The following CRADD variants were observed in gnomAD, a reference collection of about 807,000 sequenced individuals.
CRADD encodes the protein death domain-containing protein CRADD.
Under a neutral mutation model 15.5 loss-of-function variants are expected in CRADD, and 9 were observed. That is an observed-to-expected ratio of 0.58 (90% CI 0.35 to 1.01). The LOEUF is 1.01. CRADD is among the 50% of genes least tolerant of loss of function. CRADD has a pLI of 0.02. For synonymous variants in CRADD, 118 were observed against 107.6 expected (o/e 1.10, Z -0.60); for missense variants, 227 against 250.3 (o/e 0.91, Z 0.63).
chr12:93,751,791 G>A (rs1288283979), intron 2 of CRADD, among the ~76,000 whole-genome samples: 4 of 152,198 alleles, frequency 2.6e-5, no homozygotes, highest in Admixed American at 6.5e-5. Context: ...TTGAACCCAG[G>A]AGAAGGCGCT....
intron 2 of CRADD, among the ~76,000 whole-genome samples, chr12:93,867,405 T>TATATATATATATATATATATATATA (rs1207739624): frequency 0.018 from 1,795 of 101,486 alleles, 210 homozygotes; most frequent in Middle Eastern, 0.034. Flanking sequence ...ATATATATAT[T>TATATATATATATATATATATATATA]TTTTAAACTT....
In CRADD at chr12:93,678,971, C is replaced by G. The variant is rs1955224412; in HGVS notation, c.197C>G (p.Pro66Arg). ...LLLDILPSRG[P>R]KAFDTFLDSL... ...CTGGATATCCTACCTTCCAGGGGCC[C>G]TAAAGCATTTGATACATTCCTAGAT... Residue 66 changes from proline to arginine, a missense_variant, in exon 2 of 3, where the codon CCT becomes CGT. Coordinates refer to ENST00000332896, the MANE Select transcript of CRADD (RefSeq NM_003805.5). The G allele has an allele frequency of 1.2e-6, 2 of 1,613,932 alleles. No individual in the cohort carries two copies. Among genetic ancestry groups the G allele is most frequent in the Non-Finnish European group, 1.7e-6 (2 of 1,179,952 alleles).
intron 1 of CRADD, 116 bp from the exon 2 acceptor site, chr12:93,678,653 A>C: frequency 9.7e-7 from 1 of 1,031,514 alleles, no homozygotes; most frequent in South Asian, 1.7e-5. Context: ...ATGACCTGGC[A>C]GTCTGCTATG....
intron 2 of CRADD, among the ~76,000 whole-genome samples, chr12:93,866,265 G>T (rs1358753477): frequency 6.6e-6 from 1 of 151,898 alleles, no homozygotes; most frequent in Non-Finnish European, 1.5e-5. Flanking sequence ...CATAGTGTTT[G>T]GATATTGGAC....
intron 2 of CRADD, among the ~76,000 whole-genome samples, chr12:93,884,688 A>G (rs1036621839): frequency 6.6e-6 from 1 of 152,092 alleles, no homozygotes; most frequent in Non-Finnish European, 1.5e-5. Context: ...CTTTTTGCCC[A>G]ATAAATTCCT....
At chr12:93,739,452 C>G (rs1956636489) in intron 2 of CRADD, among the ~76,000 whole-genome samples, 1 of 151,262 alleles carries the variant, frequency 6.6e-6, no homozygotes, top group South Asian at 2.1e-4. Flanking sequence ...GCCTAAACTC[C>G]TGAGATTTAG....
At position 93,802,190 on chromosome 12, in the gene CRADD, C is replaced by A. The variant is rs1048778149; in HGVS notation, c.299-47780C>A. On this transcript the variant is annotated intron_variant, in intron 2 of 2. Coordinates refer to ENST00000332896, the MANE Select transcript of CRADD (RefSeq NM_003805.5). Reference sequence around the variant, plus strand: ...GTGTCTTTTTCATATGACTTCTTTTCCTCTGGGTAGGAACCCAGTAGTGGG... The same window carrying A: ...GTGTCTTTTTCATATGACTTCTTTTACTCTGGGTAGGAACCCAGTAGTGGG... Among the ~76,000 whole-genome samples the A allele has an allele frequency of 7.9e-5, 12 of 152,138 alleles. 1 individual carries two copies. Among genetic ancestry groups the A allele is most frequent in the Admixed American group, 7.9e-4 (12 of 15,276 alleles).
At chr12:93,716,756 C>T (rs772986360) in intron 2 of CRADD, among the ~76,000 whole-genome samples, 1 of 152,146 alleles carries the variant, frequency 6.6e-6, no homozygotes, top group East Asian at 1.9e-4. Flanking sequence ...TGGATATCAC[C>T]GTTTATTTAT....
intron 2 of CRADD, among the ~76,000 whole-genome samples, chr12:93,841,296 G>A (rs922050134): frequency 1.3e-5 from 2 of 151,974 alleles, no homozygotes; most frequent in African/African-American, 4.8e-5. Flanking sequence ...TCCTCTTCTT[G>A]TATTCTTACC....
At chr12:93,714,336 C>T (rs927791369) in intron 2 of CRADD, among the ~76,000 whole-genome samples, 1 of 152,072 alleles carries the variant, frequency 6.6e-6, no homozygotes, top group Non-Finnish European at 1.5e-5. Flanking sequence ...AAATGGATTC[C>T]GTGGGCAGGA....
chr12:93,694,022 A>G (rs1202769932), intron 2 of CRADD, among the ~76,000 whole-genome samples: 1 of 152,146 alleles, frequency 6.6e-6, no homozygotes, highest in African/African-American at 2.4e-5. Context: ...AGATAAGGAT[A>G]CAAGAATAGA....
At chr12:93,846,289 T>G (rs1265937625) in intron 2 of CRADD, among the ~76,000 whole-genome samples, 5 of 152,322 alleles carry the variant, frequency 3.3e-5, no homozygotes, top group Middle Eastern at 3.4e-3. Flanking sequence ...CTTTTGAGTA[T>G]ATACCCAGAA....
At chr12:93,780,502 G>A (rs1451795648) in intron 2 of CRADD, among the ~76,000 whole-genome samples, 1 of 152,204 alleles carries the variant, frequency 6.6e-6, no homozygotes, top group Non-Finnish European at 1.5e-5. Context: ...CTGGGATTCA[G>A]ATCAAGGTCT....
rs377624044 is a variant in CRADD, at chr12:93,782,214, CCAGCATTCT to C, written c.299-67750_299-67742del. Among the ~76,000 whole-genome samples the C allele has an allele frequency of 3.8e-3, 579 of 152,062 alleles. 6 individuals carry two copies. The highest frequency in any genetic ancestry group is 0.013 in the African/African-American group (546 of 41,452). The stretch of plus-strand genomic sequence containing the variant: ...GTAGGGACATGGATGAAACTGGAAA[CCAGCATTCT>C]CAGCAAACTATCGCAAGGACAAAAA... On this transcript the variant is annotated intron_variant, in intron 2 of 2. Coordinates refer to ENST00000332896, the MANE Select transcript of CRADD (RefSeq NM_003805.5).
In CRADD at chr12:93,738,180, G is replaced by A. The variant is rs1956610033; in HGVS notation, c.298+59108G>A. Reference sequence around the variant, plus strand: ...TTTTGTCAGTTGGAACAAAACAACAGCGCTGCTCATTTTTTGCAGGGTTAG... The same window carrying A: ...TTTTGTCAGTTGGAACAAAACAACAACGCTGCTCATTTTTTGCAGGGTTAG... On this transcript the variant is annotated intron_variant, in intron 2 of 2. Coordinates refer to ENST00000332896, the MANE Select transcript of CRADD (RefSeq NM_003805.5). 3 of 608,092 alleles carry A rather than the reference G, an allele frequency of 4.9e-6. No individual in the cohort carries two copies. The South Asian group carries it at 5.9e-5, about 12-fold the overall frequency. The allele number at this position is 608,092 out of a possible 1,614,324, so 37.7% of individuals were successfully genotyped here.
chr12:93,741,036 T>G (rs975564610), intron 2 of CRADD, among the ~76,000 whole-genome samples: 1 of 152,220 alleles, frequency 6.6e-6, no homozygotes, highest in African/African-American at 2.4e-5. Context: ...GGCCAGCTAT[T>G]AAGTTAGAAA....
chr12:93,729,010 T>G (rs1314183370), intron 2 of CRADD, among the ~76,000 whole-genome samples: 1 of 152,186 alleles, frequency 6.6e-6, no homozygotes, highest in African/African-American at 2.4e-5. Context: ...TTTCAAAATT[T>G]AGGGTTTTTA....
At chr12:93,859,339 T>C in intron 2 of CRADD, 1 of 456,056 alleles carries the variant, frequency 2.2e-6, no homozygotes, top group Non-Finnish European at 4.4e-6. Context: ...ATGATCCTTA[T>C]GATGGGGAGG....
chr12:93,816,383 A>ATTTT (rs61294048), intron 2 of CRADD, among the ~76,000 whole-genome samples: 2 of 122,096 alleles, frequency 1.6e-5, no homozygotes, highest in Non-Finnish European at 3.3e-5. Flanking sequence ...TGCCTGGCTA[A>ATTTT]TTTTTTTTTT....
Sources: allele counts gnomAD v4.1 joint callset (sites outside exome capture counted in the v4.1 genomes callset), GRCh38; gene constraint gnomAD v4.1.1; transcripts MANE v1.5; gene names NCBI Gene and HGNC (gene_info 2026-07-23, HGNC 2026-07-21).